PRKCZ: variants seen among roughly 807,000 people sequenced by gnomAD.
PRKCZ encodes protein kinase C zeta type.
PRKCZ carries 33 observed loss-of-function variants against 79.5 expected under a neutral mutation model. The ratio of observed to expected loss-of-function variants is 0.41; its 90% CI spans 0.31 to 0.55. The LOEUF is 0.55. Among genes scored for constraint, PRKCZ ranks in the 20% least tolerant of loss-of-function variants. The pLI, the probability that PRKCZ is intolerant of heterozygous loss-of-function variation, is 0.19. For missense variants in PRKCZ, 578 were observed against 813.5 expected, an observed-to-expected ratio of 0.71 and a Z score of 3.52; for synonymous variants, 342 against 320.9, an observed-to-expected ratio of 1.07 and a Z score of -0.70.
chr1:2,141,821 C>G (rs1462238409), intron 5 of PRKCZ: 2 of 215,748 alleles, frequency 9.3e-6, no homozygotes, highest in South Asian at 5.0e-5. Flanking sequence ...AGCTGGTGTT[C>G]TTCTGCGCTG....
chr1:2,175,151 GCCA>G, intron 15 of PRKCZ, 70 bp from the exon 16 acceptor site: 3 of 1,312,142 alleles, frequency 2.3e-6, no homozygotes, highest in Non-Finnish European at 3.3e-6. Flanking sequence ...ACTGGGAGTG[GCCA>G]CCAAGGAGAG....
At chr1:2,051,787 G>A (rs1001523655) in intron 1 of PRKCZ, among the ~76,000 whole-genome samples, 1 of 152,260 alleles carries the variant, frequency 6.6e-6, no homozygotes, top group East Asian at 1.9e-4. Context: ...CTTGTCTTGG[G>A]GTCTCGGGTC....
intron 10 of PRKCZ, among the ~76,000 whole-genome samples, chr1:2,159,044 G>A (rs1030384976): frequency 6.6e-6 from 1 of 151,980 alleles, no homozygotes; most frequent in African/African-American, 2.4e-5. Context: ...TCCTGCCTCA[G>A]CCTCCTGAGT....
chr1:2,171,385 TG>T (rs1256126441), intron 11 of PRKCZ, among the ~76,000 whole-genome samples: 32 of 147,522 alleles, frequency 2.2e-4, no homozygotes, highest in African/African-American at 8.2e-4. Flanking sequence ...TTTTTTTTTT[TG>T]ATGGAGTCTC....
intron 10 of PRKCZ, 37 bp from the exon 11 acceptor site, chr1:2,169,481 G>A (rs573294783): frequency 3.3e-6 from 5 of 1,532,882 alleles, no homozygotes; most frequent in South Asian, 2.4e-5. Context: ...GCCGTCTGCC[G>A]AGGTGACTGC....
chr1:2,099,374 A>G (rs1164024628), intron 4 of PRKCZ, among the ~76,000 whole-genome samples: 1 of 152,230 alleles, frequency 6.6e-6, no homozygotes, highest in Non-Finnish European at 1.5e-5. Context: ...CCAGAGGCAC[A>G]ATCCGGAACC....
rs1474016540 is a variant in PRKCZ at position 2,172,030 on chromosome 1, C to T, written c.1062-25C>T. On this transcript the variant is annotated intron_variant, in intron 11 of 17. Transcript: ENST00000378567. This position sits in a 1 kb window ranked among gnomAD's most constrained non-coding sequence, Gnocchi z 7.8. ...CGCAGCCTCTGGCACAGGCACTGCC[C>T]CCATGACGGCATCCCCACCCCCAGG... 6.3e-7 allele frequency: 1 copy of T among 1,580,726 alleles called. No individual in the cohort carries two copies. Among genetic ancestry groups the T allele is most frequent in the Non-Finnish European group, 8.6e-7 (1 of 1,163,202 alleles).
At chr1:2,058,721 C>A (rs1055898441) in intron 3 of PRKCZ, among the ~76,000 whole-genome samples, 1 of 150,500 alleles carries the variant, frequency 6.6e-6, no homozygotes, top group Non-Finnish European at 1.5e-5. Context: ...CATGGTGAAA[C>A]CCCATCTCTA....
At chr1:2,053,752 G>T (rs1238166511) in intron 1 of PRKCZ, among the ~76,000 whole-genome samples, 1 of 152,230 alleles carries the variant, frequency 6.6e-6, no homozygotes, top group African/African-American at 2.4e-5. Flanking sequence ...TGGAGTTCCT[G>T]GTGGTCAGAC....
chr1:2,052,715 G>A (rs1659795869), intron 1 of PRKCZ, among the ~76,000 whole-genome samples: 1 of 152,180 alleles, frequency 6.6e-6, no homozygotes, highest in South Asian at 2.1e-4. Flanking sequence ...TCAGGCCTTA[G>A]GGCAATGACA....
rs2102965243 is a variant in PRKCZ at position 2,128,457 on chromosome 1, T to C, written c.335-6805T>C. Among the ~76,000 whole-genome samples, 1 of 152,346 alleles carries C rather than the reference T, an allele frequency of 6.6e-6. No homozygotes were observed. The highest frequency in any genetic ancestry group is 6.5e-5 in the Admixed American group (1 of 15,304). On this transcript the variant is annotated intron_variant, in intron 4 of 17. Coordinates refer to ENST00000378567, the MANE Select transcript of PRKCZ (RefSeq NM_002744.6). The surrounding 1 kb of genome is among the most constrained non-coding windows in gnomAD (Gnocchi z 6.5). Reference sequence around the variant, plus strand: ...GTTTAGTGTTTTAAAACGTGTTTTCTACGTCTTGTCAGAGTGCTCAAGGCG... The same window carrying C: ...GTTTAGTGTTTTAAAACGTGTTTTCCACGTCTTGTCAGAGTGCTCAAGGCG...
chr1:2,056,434 C>G (rs566486890), intron 2 of PRKCZ, 50 bp from the exon 3 acceptor site: 2 of 1,554,870 alleles, frequency 1.3e-6, no homozygotes, highest in South Asian at 2.3e-5. Context: ...TCACAGCCCC[C>G]TTTGCCTCGG....
chr1:2,160,117 C>A (rs1681916895), intron 10 of PRKCZ, among the ~76,000 whole-genome samples: 1 of 152,210 alleles, frequency 6.6e-6, no homozygotes. Flanking sequence ...AAAGAACAAA[C>A]ACACACCTTT....
intron 4 of PRKCZ, among the ~76,000 whole-genome samples, chr1:2,081,907 A>AATGGGCAG (rs996941930): frequency 6.6e-6 from 1 of 152,190 alleles, no homozygotes; most frequent in Non-Finnish European, 1.5e-5. Context: ...CAAAGGCAGA[A>AATGGGCAG]ATGGGCAGAG....
chr1:2,055,660 G>C, intron 2 of PRKCZ, 98 bp downstream of exon 2: 1 of 1,472,086 alleles, frequency 6.8e-7, no homozygotes, highest in South Asian at 1.4e-5. Context: ...TCTGTGGGGA[G>C]ACTTAAAGCT....
In PRKCZ at chr1:2,110,124, C is replaced by T. The variant is rs1180368821; in HGVS notation, c.335-25138C>T. Among the ~76,000 whole-genome samples the T allele has an allele frequency of 2.9e-3, 195 of 66,438 alleles. 2 individuals carry two copies. The highest frequency in any genetic ancestry group is 0.012 in the African/African-American group (174 of 13,988). 43.6% of individuals were successfully genotyped at this position (66,438 alleles called of 152,430 possible). On this transcript the variant is annotated intron_variant, in intron 4 of 17. Transcript: ENST00000378567. Reference sequence around the variant, plus strand: ...AACGGCCAGGGCTGAATCCGGGGCCCTCCCTGGGGGCAGCCAAGGACCTAA... The same window carrying T: ...AACGGCCAGGGCTGAATCCGGGGCCTTCCCTGGGGGCAGCCAAGGACCTAA...
Position 2,127,413 on chromosome 1 carries a change from CT to C in PRKCZ, c.335-7848del, listed in dbSNP as rs1369733073. Among the ~76,000 whole-genome samples the C allele has an allele frequency of 2.5e-3, 378 of 152,012 alleles. 1 individual carries two copies. Among genetic ancestry groups the C allele is most frequent in the African/African-American group, 8.6e-3 (358 of 41,442 alleles). ...TCCACTGCCCCCCCCACCGCCGCCC[CT>C]GCCCCACGGCCACCCCAGATCCTCA... On this transcript the variant is annotated intron_variant, in intron 4 of 17. Coordinates refer to ENST00000378567, the MANE Select transcript of PRKCZ (RefSeq NM_002744.6). The surrounding 1 kb of genome is among the most constrained non-coding windows in gnomAD (Gnocchi z 5.1).
At chr1:2,112,392 A>G (rs980449107) in intron 4 of PRKCZ, among the ~76,000 whole-genome samples, 6 of 152,152 alleles carry the variant, frequency 3.9e-5, no homozygotes, top group Non-Finnish European at 7.4e-5. Context: ...CTCCATTGCA[A>G]TGAGGATGAA....
At position 2,162,256 on chromosome 1, in the gene PRKCZ, C is replaced by T. The variant is rs552054692; in HGVS notation, c.974+6164C>T. On this transcript the variant is annotated intron_variant, in intron 10 of 17. Coordinates refer to ENST00000378567, the MANE Select transcript of PRKCZ (RefSeq NM_002744.6). ...GAGGAATTCTCATGCCTCAACCCCCCGAGTAGCTGGGAATACAGGCCCCTG... is the reference window on the plus strand; with the variant it reads ...GAGGAATTCTCATGCCTCAACCCCCTGAGTAGCTGGGAATACAGGCCCCTG... Among the ~76,000 whole-genome samples the T allele has an allele frequency of 2.2e-3, 329 of 152,322 alleles. 1 individual carries two copies. Among genetic ancestry groups the T allele is most frequent in the South Asian group, 6.8e-3 (33 of 4,826 alleles).
Sources: allele counts gnomAD v4.1 joint callset (sites outside exome capture counted in the v4.1 genomes callset), GRCh38; gene constraint gnomAD v4.1.1; non-coding constraint Gnocchi (gnomAD v3.1); transcripts MANE v1.5; gene names NCBI Gene and HGNC (gene_info 2026-07-23, HGNC 2026-07-21).